CTNNA3: variants seen among roughly 807,000 people sequenced by gnomAD.
The protein encoded by CTNNA3 is catenin alpha 3.
In CTNNA3, 76 loss-of-function variants were observed where a neutral mutation model predicts 95.7. The observed-to-expected ratio is 0.79, with a 90% CI of 0.66 to 0.96. The LOEUF is 0.96. CTNNA3 is among the 40% of genes least tolerant of loss of function. The pLI, the probability that CTNNA3 is intolerant of heterozygous loss-of-function variation, is 0.00. For missense variants in CTNNA3, 1,191 were observed against 1,089.8 expected (o/e 1.09, Z -1.31); for synonymous variants, 431 against 374.4 (o/e 1.15, Z -1.74).
rs1411992189 is a variant in CTNNA3, at chr10:66,439,137, C to T, written c.1532-59785G>A. Reference sequence around the variant, plus strand: ...GCTGAAGACCGGAGCTGTTCCTATTCAGCCATCTTCTATTCCTCATGATAC... The same window carrying T: ...GCTGAAGACCGGAGCTGTTCCTATTTAGCCATCTTCTATTCCTCATGATAC... On this transcript the variant is annotated intron_variant, in intron 11 of 17. Coordinates refer to ENST00000433211, the MANE Select transcript of CTNNA3 (RefSeq NM_013266.4). Among the ~76,000 whole-genome samples the T allele has an allele frequency of 4.6e-5, 7 of 152,130 alleles. No homozygotes were observed. The East Asian group carries it at 1.2e-3, about 25-fold the overall frequency.
At chr10:67,399,129 T>C (rs1844820750) in intron 5 of CTNNA3, among the ~76,000 whole-genome samples, 1 of 151,852 alleles carries the variant, frequency 6.6e-6, no homozygotes, top group South Asian at 2.1e-4. Context: ...GCTGTCTCAG[T>C]GGGGGCAGAG....
At chr10:66,727,407 G>A (rs1335968816) in intron 9 of CTNNA3, among the ~76,000 whole-genome samples, 1 of 151,860 alleles carries the variant, frequency 6.6e-6, no homozygotes, top group East Asian at 1.9e-4. Context: ...ACTAGTCAAG[G>A]GGAAAAAATA....
At chr10:66,243,959 T>C (rs1463011129) in intron 13 of CTNNA3, among the ~76,000 whole-genome samples, 2 of 151,920 alleles carry the variant, frequency 1.3e-5, no homozygotes, top group African/African-American at 2.4e-5. Flanking sequence ...AGGTCCCCAA[T>C]ACAAGCCTAC....
At chr10:66,106,421 G>A (rs1489821214) in intron 13 of CTNNA3, among the ~76,000 whole-genome samples, 1 of 150,548 alleles carries the variant, frequency 6.6e-6, no homozygotes, top group Non-Finnish European at 1.5e-5. Context: ...TATCTTAGAG[G>A]CAGTGTTATA....
chr10:66,361,677 A>G (rs1327257558), intron 12 of CTNNA3, among the ~76,000 whole-genome samples: 1 of 151,656 alleles, frequency 6.6e-6, no homozygotes, highest in Non-Finnish European at 1.5e-5. Flanking sequence ...AGCTGTGACT[A>G]TAGGGGTGCA....
intron 5 of CTNNA3, among the ~76,000 whole-genome samples, chr10:67,399,718 G>T (rs1844848260): frequency 6.6e-6 from 1 of 151,982 alleles, no homozygotes; most frequent in Non-Finnish European, 1.5e-5. Flanking sequence ...CCTCCATTAA[G>T]GTACTTACCA....
chr10:65,998,866 G>T (rs1490819355), intron 15 of CTNNA3, among the ~76,000 whole-genome samples: 2 of 152,090 alleles, frequency 1.3e-5, no homozygotes, highest in Non-Finnish European at 2.9e-5. Flanking sequence ...AATGATCAAA[G>T]AACTCTATAC....
Position 67,360,502 on chromosome 10 carries a change from G to A in CTNNA3, c.580-140632C>T, listed in dbSNP as rs78431612. ...TAACAGCCATAGGGGCAAAGTAAAGGGATGGAGAAGCATCTATGTATTAGT... is the reference window on the plus strand; with the variant it reads ...TAACAGCCATAGGGGCAAAGTAAAGAGATGGAGAAGCATCTATGTATTAGT... On this transcript the variant is annotated intron_variant, in intron 5 of 17. Coordinates refer to ENST00000433211, the MANE Select transcript of CTNNA3 (RefSeq NM_013266.4). Among the ~76,000 whole-genome samples the A allele has an allele frequency of 0.018, 2,685 of 151,924 alleles. 201 individuals are homozygous for A. The East Asian group carries it at 0.24, about 13-fold the overall frequency.
At chr10:67,473,873 T>C (rs1024453482) in intron 5 of CTNNA3, among the ~76,000 whole-genome samples, 2 of 152,160 alleles carry the variant, frequency 1.3e-5, no homozygotes, top group East Asian at 3.8e-4. Context: ...CAAATTTAAA[T>C]CTATTGGAAC....
chr10:67,424,973 C>T (rs761090727), intron 5 of CTNNA3, among the ~76,000 whole-genome samples: 4 of 151,952 alleles, frequency 2.6e-5, no homozygotes, highest in Admixed American at 6.6e-5. Flanking sequence ...TTTTAAAAAG[C>T]GTGTATTAGA....
chr10:66,857,864 A>G (rs544980000), intron 7 of CTNNA3, among the ~76,000 whole-genome samples: 1 of 152,142 alleles, frequency 6.6e-6, no homozygotes, highest in South Asian at 2.1e-4. Context: ...GGATAGTTGG[A>G]CTTCCTCTCT....
At chr10:66,769,798 A>G (rs1275133884) in intron 8 of CTNNA3, among the ~76,000 whole-genome samples, 1 of 152,220 alleles carries the variant, frequency 6.6e-6, no homozygotes, top group Non-Finnish European at 1.5e-5. Context: ...TTATTCTCAG[A>G]GATCCTCAAG....
At chr10:66,860,605 G>A (rs1159101268) in intron 7 of CTNNA3, among the ~76,000 whole-genome samples, 1 of 152,096 alleles carries the variant, frequency 6.6e-6, no homozygotes, top group Admixed American at 6.6e-5. Flanking sequence ...ATGTTTCTCT[G>A]TTCCTGTGTA....
At chr10:66,002,146 A>G (rs1415578972) in intron 15 of CTNNA3, among the ~76,000 whole-genome samples, 1 of 152,170 alleles carries the variant, frequency 6.6e-6, no homozygotes, top group African/African-American at 2.4e-5. Flanking sequence ...GATAAAAAAG[A>G]AAAAAAGTAG....
At chr10:66,280,907 T>C (rs1021790773) in intron 12 of CTNNA3, among the ~76,000 whole-genome samples, 1 of 151,898 alleles carries the variant, frequency 6.6e-6, no homozygotes, top group African/African-American at 2.4e-5. Context: ...CTTTCTCCTT[T>C]ATATCATCTT....
At chr10:66,978,646 A>G (rs1231957563) in intron 7 of CTNNA3, among the ~76,000 whole-genome samples, 2 of 148,382 alleles carry the variant, frequency 1.3e-5, no homozygotes, top group Non-Finnish European at 3.0e-5. Flanking sequence ...AAAAAGAGAG[A>G]AAAAAACAGA....
rs948900030 is a variant in CTNNA3 at position 65,918,087 on chromosome 10, A to G, written c.*2243T>C. 6.6e-6 allele frequency: 1 copy of G among 152,176 alleles called. No homozygotes were observed. The highest frequency in any genetic ancestry group is 2.4e-5 in the African/African-American group (1 of 41,438). 9.4% of individuals were successfully genotyped at this position (152,176 alleles called of 1,614,324 possible). On this transcript the variant is annotated 3_prime_UTR_variant, in exon 18 of 18. Coordinates refer to ENST00000433211, the MANE Select transcript of CTNNA3 (RefSeq NM_013266.4). ...GCTAAGCTGAAAATCTGCCTGGGTT[A>G]AAGAGGAGAACTTGTTCACATCTCA...
At chr10:67,447,664 G>A (rs140248341) in intron 5 of CTNNA3, among the ~76,000 whole-genome samples, 492 of 152,132 alleles carry the variant, frequency 3.2e-3, no homozygotes, top group Non-Finnish European at 5.4e-3. Context: ...TGACCACCTT[G>A]TATCAAACAA....
At chr10:65,974,393 T>C (rs1193843967) in intron 16 of CTNNA3, among the ~76,000 whole-genome samples, 1 of 152,156 alleles carries the variant, frequency 6.6e-6, no homozygotes, top group Admixed American at 6.5e-5. Context: ...ATATACACCA[T>C]GGAATAACAG....
Sources: allele counts gnomAD v4.1 joint callset (sites outside exome capture counted in the v4.1 genomes callset), GRCh38; gene constraint gnomAD v4.1.1; transcripts MANE v1.5; gene names NCBI Gene and HGNC (gene_info 2026-07-23, HGNC 2026-07-21).